SCLY: variants seen among roughly 807,000 people sequenced by gnomAD.
SCLY encodes selenocysteine lyase.
Under a neutral mutation model 50.1 loss-of-function variants are expected in SCLY, and 38 were observed. The ratio of observed to expected loss-of-function variants is 0.76; its 90% CI spans 0.59 to 0.99. SCLY has a LOEUF of 0.99. SCLY is among the 50% of genes least tolerant of loss of function. The probability of loss-of-function intolerance (pLI) is 0.00; values close to 1 mark genes in which losing one functional copy is unlikely to be tolerated. For missense variants in SCLY, 600 were observed against 620.0 expected (o/e 0.97, Z 0.34); for synonymous variants, 243 against 249.4 (o/e 0.97, Z 0.24).
At chr2:238,065,121 T>C (rs1426889916) in intron 2 of SCLY, 1 of 152,242 alleles carries the variant, frequency 6.6e-6, no homozygotes, top group Non-Finnish European at 1.5e-5. Context: ...TAAATTAACT[T>C]CAAACAGAAT....
In SCLY at chr2:238,082,132, G is replaced by A. The variant is rs2065244703; in HGVS notation, c.700G>A (p.Ala234Thr). ...ACCTCCCATCCTCGTGCACACGGAT[G>A]CTGCACAGGCCTTGGGGAAGCAGCG... is the stretch of plus-strand genomic sequence containing the variant. ...GLPPILVHTD[A>T]AQALGKQRVD... is the part of the protein sequence containing the mutation. Residue 234 changes from alanine to threonine, a missense_variant, in exon 6 of 12, where the codon GCT becomes ACT. Coordinates refer to ENST00000254663, the MANE Select transcript of SCLY (RefSeq NM_016510.7). 3 of 1,613,168 alleles carry A rather than the reference G, an allele frequency of 1.9e-6. No individual in the cohort carries two copies. Among genetic ancestry groups the A allele is most frequent in the Non-Finnish European group, 2.5e-6 (3 of 1,180,012 alleles).
chr2:238,084,263 G>A (rs1328410355), intron 7 of SCLY, among the ~76,000 whole-genome samples: 3 of 152,118 alleles, frequency 2.0e-5, no homozygotes, highest in Admixed American at 6.5e-5. Flanking sequence ...CACAGGGAGC[G>A]TCCTCCCATT....
At chr2:238,076,722 T>TA (rs59204483) in intron 4 of SCLY, among the ~76,000 whole-genome samples, 9 of 131,198 alleles carry the variant, frequency 6.9e-5, no homozygotes, top group South Asian at 2.6e-4. Context: ...AAAAATAAAT[T>TA]AAAAAAAAAA....
chr2:238,087,482 A>G (rs1007062826), intron 7 of SCLY, among the ~76,000 whole-genome samples: 9 of 152,368 alleles, frequency 5.9e-5, no homozygotes, highest in African/African-American at 1.7e-4. Flanking sequence ...GAATAGCTCT[A>G]TAACCATTAG....
chr2:238,082,988 C>T (rs1006326560), intron 6 of SCLY: 6 of 503,836 alleles, frequency 1.2e-5, no homozygotes, highest in East Asian at 4.0e-5. Context: ...TCACATGATG[C>T]GCAGGGGAGA....
intron 3 of SCLY, among the ~76,000 whole-genome samples, chr2:238,068,621 A>G (rs2065098398): frequency 6.6e-6 from 1 of 152,224 alleles, no homozygotes; most frequent in African/African-American, 2.4e-5. Flanking sequence ...ATATCCTTTA[A>G]GTAAATTCCA....
chr2:238,065,597 AT>A (rs1483695497), intron 2 of SCLY, among the ~76,000 whole-genome samples: 1 of 149,598 alleles, frequency 6.7e-6, no homozygotes, highest in Non-Finnish European at 1.5e-5. Flanking sequence ...AAGAAAAAAA[AT>A]CAATTTATAG....
intron 7 of SCLY, 97 bp from the exon 8 acceptor site, chr2:238,091,121 G>T: frequency 8.8e-7 from 1 of 1,139,368 alleles, no homozygotes; most frequent in East Asian, 2.3e-5. Context: ...AAGATGTAGC[G>T]TGAGTTTGAT....
At chr2:238,068,580 A>G (rs1207143196) in intron 3 of SCLY, among the ~76,000 whole-genome samples, 2 of 152,168 alleles carry the variant, frequency 1.3e-5, no homozygotes, top group Non-Finnish European at 2.9e-5. Context: ...TGGTCTTGCT[A>G]TATTGCATAC....
intron 8 of SCLY, chr2:238,092,090 G>A (rs1559251203): frequency 6.6e-6 from 1 of 152,288 alleles, no homozygotes; most frequent in Non-Finnish European, 1.5e-5. Flanking sequence ...AGAAGGAAGA[G>A]TGTGTGTTTG....
intron 1 of SCLY, among the ~76,000 whole-genome samples, chr2:238,063,277 G>C (rs913101679): frequency 1.0e-4 from 15 of 150,400 alleles, no homozygotes; most frequent in Non-Finnish European, 1.5e-5. Context: ...TTTTGAGACG[G>C]ACTCTCACTC....
Position 238,069,241 on chromosome 2 carries a change from C to T in SCLY, c.304-56C>T. 2 of 1,518,198 alleles carry T rather than the reference C, an allele frequency of 1.3e-6. No individual in the cohort carries two copies. The highest frequency in any genetic ancestry group is 1.8e-6 in the Non-Finnish European group (2 of 1,116,914). 94.0% of individuals were successfully genotyped at this position (1,518,198 alleles called of 1,614,324 possible). ...AAATTAAGTAACAGAAATTGTTGCT[C>T]TGACCCTTACCTCAGCACAGTTTTT... On this transcript the variant is annotated intron_variant, in intron 3 of 11. Transcript: ENST00000254663. The surrounding 1 kb of genome is among the most constrained non-coding windows in gnomAD (Gnocchi z 5.0).
In SCLY at chr2:238,082,275, C is replaced by T. The variant is rs533165617; in HGVS notation, c.777+66C>T. 7.2e-5 allele frequency: 106 copies of T among 1,468,364 alleles called. No individual in the cohort carries two copies. The Admixed American group carries it at 9.0e-4, about 12-fold the overall frequency. The allele number at this position is 1,468,364 out of a possible 1,614,324, so 91.0% of individuals were successfully genotyped here. On this transcript the variant is annotated intron_variant, in intron 6 of 11. Coordinates refer to ENST00000254663, the MANE Select transcript of SCLY (RefSeq NM_016510.7). Reference sequence around the variant, plus strand: ...ACTGCGCAGGTGGCTGTTTACTCCTCGGTCCGTAAGCCTCACTGCCCACCG... The same window carrying T: ...ACTGCGCAGGTGGCTGTTTACTCCTTGGTCCGTAAGCCTCACTGCCCACCG...
Position 238,082,171 on chromosome 2 carries a change from G to T in SCLY, c.739G>T (p.Asp247Tyr). Residue 247 changes from aspartate to tyrosine, a missense_variant, in exon 6 of 12, where the codon GAC (aspartate) becomes TAC (tyrosine). By Grantham distance (160) the Asp-to-Tyr change is radical (BLOSUM62 -3). Coordinates refer to ENST00000254663, the MANE Select transcript of SCLY (RefSeq NM_016510.7). ...GGGGAAGCAGCGCGTGGATGTGGAG[G>T]ACCTGGGCGTGGACTTCCTTACAAT... is the stretch of plus-strand genomic sequence containing the variant. ...ALGKQRVDVE[D>Y]LGVDFLTIVG... 6.2e-7 allele frequency: 1 copy of T among 1,611,724 alleles called. No homozygotes were observed. Among genetic ancestry groups the T allele is most frequent in the Non-Finnish European group, 8.5e-7 (1 of 1,179,482 alleles).
chr2:238,079,062 CTTTT>C (rs1442785466), intron 4 of SCLY: 2 of 121,310 alleles, frequency 1.6e-5, no homozygotes, highest in Admixed American at 1.0e-4. Context: ...TTCTTTCTTT[CTTTT>C]TCTTTTTTTT....
chr2:238,084,379 T>A (rs1348459962), intron 7 of SCLY, among the ~76,000 whole-genome samples: 1 of 148,714 alleles, frequency 6.7e-6, no homozygotes, highest in Non-Finnish European at 1.5e-5. Context: ...TCACTTGGGG[T>A]CAGGAGTTTG....
At chr2:238,061,964 G>C (rs1460432624) in intron 1 of SCLY, among the ~76,000 whole-genome samples, 1 of 152,130 alleles carries the variant, frequency 6.6e-6, no homozygotes, top group Non-Finnish European at 1.5e-5. Flanking sequence ...GGGGGTCCAG[G>C]CCTAAAGCAC....
chr2:238,080,284 A>G (rs1163290523), intron 4 of SCLY: 1 of 152,068 alleles, frequency 6.6e-6, no homozygotes, highest in Non-Finnish European at 1.5e-5. Flanking sequence ...ACCAGTTAGA[A>G]TTTTTTTAGT....
At position 238,069,256 on chromosome 2, in the gene SCLY, GCA is replaced by G. The variant is rs776495893; in HGVS notation, c.304-38_304-37del. On this transcript the variant is annotated intron_variant, in intron 3 of 11. Transcript: ENST00000254663. The surrounding 1 kb of genome is among the most constrained non-coding windows in gnomAD (Gnocchi z 5.0). ...AATTGTTGCTCTGACCCTTACCTCA[GCA>G]CAGTTTTTGTAAATGCTTTTTTTGC... 5.0e-6 allele frequency: 8 copies of G among 1,590,340 alleles called. No homozygotes were observed. Among genetic ancestry groups the G allele is most frequent in the South Asian group, 1.1e-5 (1 of 88,764 alleles).
Sources: allele counts gnomAD v4.1 joint callset (sites outside exome capture counted in the v4.1 genomes callset), GRCh38; gene constraint gnomAD v4.1.1; non-coding constraint Gnocchi (gnomAD v3.1); transcripts MANE v1.5; gene names NCBI Gene and HGNC (gene_info 2026-07-23, HGNC 2026-07-21).